The following GALNT18 variants were observed in gnomAD, a reference collection of about 807,000 sequenced individuals.
GALNT18 encodes GalNAc-transferase 18.
In GALNT18, 44 loss-of-function variants were observed where a neutral mutation model predicts 69.5. That is an observed-to-expected ratio of 0.63 (90% CI 0.50 to 0.81). The LOEUF (loss-of-function observed/expected upper bound fraction) is 0.81, where lower values mean the gene tolerates loss of function less well. Among genes scored for constraint, GALNT18 ranks in the 40% least tolerant of loss-of-function variants. The pLI, the probability that GALNT18 is intolerant of heterozygous loss-of-function variation, is 0.00. For synonymous variants in GALNT18, 364 were observed against 318.2 expected (o/e 1.14, Z -1.53); for missense variants, 715 against 810.0 (o/e 0.88, Z 1.42).
At chr11:11,303,940 C>T (rs141683812) in intron 9 of GALNT18, among the ~76,000 whole-genome samples, 2 of 152,238 alleles carry the variant, frequency 1.3e-5, no homozygotes, top group African/African-American at 2.4e-5. Flanking sequence ...GGAGGGGCTG[C>T]CTGGCTGACA....
rs567507112 is a variant in GALNT18, at chr11:11,546,853, G to A, written c.235+74506C>T. Reference sequence around the variant, plus strand: ...ATGGATGGGTGGGTTGGGTGTGTGGGTGGGCAGATGAGTAAGTGGGTGGGA... The same window carrying A: ...ATGGATGGGTGGGTTGGGTGTGTGGATGGGCAGATGAGTAAGTGGGTGGGA... On this transcript the variant is annotated intron_variant, in intron 1 of 10. Transcript: ENST00000227756. This position sits in a 1 kb window ranked among gnomAD's most constrained non-coding sequence, Gnocchi z 5.8. Among the ~76,000 whole-genome samples, 417 of 152,058 alleles carry A rather than the reference G, an allele frequency of 2.7e-3. 2 individuals carry two copies. Among genetic ancestry groups the A allele is most frequent in the African/African-American group, 9.6e-3 (396 of 41,448 alleles).
chr11:11,464,424 C>A (rs142308352), intron 1 of GALNT18, among the ~76,000 whole-genome samples: 4 of 152,248 alleles, frequency 2.6e-5, no homozygotes, highest in East Asian at 3.9e-4. Flanking sequence ...AGAGATGGCA[C>A]CCTGATGCAC....
At chr11:11,391,348 C>A (rs998665181) in intron 3 of GALNT18, among the ~76,000 whole-genome samples, 3 of 152,216 alleles carry the variant, frequency 2.0e-5, no homozygotes, top group African/African-American at 7.2e-5. Context: ...TACTAGTAAC[C>A]CATTTTATAG....
At position 11,582,840 on chromosome 11, in the gene GALNT18, C is replaced by T. The variant is rs114990981; in HGVS notation, c.235+38519G>A. 9.4e-3 allele frequency among the ~76,000 whole-genome samples: 1,437 copies of T among 152,252 alleles called. 21 individuals are homozygous for T. The highest frequency in any genetic ancestry group is 0.032 in the African/African-American group (1,335 of 41,530). ...ATTACTCTAGTTGTTGAGTGAAGAACGGACCCACATCAGCTGCACCTCTTT... is the reference window on the plus strand; with the variant it reads ...ATTACTCTAGTTGTTGAGTGAAGAATGGACCCACATCAGCTGCACCTCTTT... On this transcript the variant is annotated intron_variant, in intron 1 of 10. Transcript: ENST00000227756. The surrounding 1 kb of genome is among the most constrained non-coding windows in gnomAD (Gnocchi z 5.0).
rs1854485299 is a variant in GALNT18 at position 11,402,276 on chromosome 11, A to AT, written c.596-23013dup. ...AAACGATCCAGCCTGGTGGAATTAG[A>AT]TTTCTTTCCTCTTCATTTATGAAAT... On this transcript the variant is annotated intron_variant, in intron 3 of 10. Coordinates refer to ENST00000227756, the MANE Select transcript of GALNT18 (RefSeq NM_198516.3). This position sits in a 1 kb window ranked among gnomAD's most constrained non-coding sequence, Gnocchi z 4.0. 6.6e-6 allele frequency among the ~76,000 whole-genome samples: 1 copy of AT among 152,240 alleles called. No homozygotes were observed. Among genetic ancestry groups the AT allele is most frequent in the Admixed American group, 6.5e-5 (1 of 15,290 alleles).
chr11:11,591,195 AGCCTTTTTAAG>A lies in GALNT18; in HGVS notation c.235+30153_235+30163del, dbSNP rs1169989604. Among the ~76,000 whole-genome samples the A allele has an allele frequency of 2.1e-5, 3 of 143,870 alleles. No individual in the cohort carries two copies. Among genetic ancestry groups the A allele is most frequent in the East Asian group, 4.0e-4 (2 of 5,036 alleles). The allele number at this position is 143,870 out of a possible 152,430, so 94.4% of individuals were successfully genotyped here. A position where few individuals can be genotyped will look rare whatever the true frequency, so the allele number is the denominator to read the frequency against. On this transcript the variant is annotated intron_variant, in intron 1 of 10. Transcript: ENST00000227756. This position sits in a 1 kb window ranked among gnomAD's most constrained non-coding sequence, Gnocchi z 4.8. Reference sequence around the variant, plus strand: ...GTGTGTGTGTGTGTGTTAGTTTTTAAGCCTTTTTAAGGCCTTTTTAAGGCTTTGTAAGGCTT... The same window carrying A: ...GTGTGTGTGTGTGTGTTAGTTTTTAAGCCTTTTTAAGGCTTTGTAAGGCTT...
intron 1 of GALNT18, among the ~76,000 whole-genome samples, chr11:11,485,199 G>A (rs1252487114): frequency 7.2e-5 from 11 of 152,224 alleles, no homozygotes; most frequent in East Asian, 1.9e-4. Flanking sequence ...CACCACCTGC[G>A]TGTTCTCTAA....
At position 11,338,964 on chromosome 11, in the gene GALNT18, C is replaced by A. The variant is rs747617605; in HGVS notation, c.1278+1855G>T. On this transcript the variant is annotated intron_variant, in intron 7 of 10. Coordinates refer to ENST00000227756, the MANE Select transcript of GALNT18 (RefSeq NM_198516.3). This position sits in a 1 kb window ranked among gnomAD's most constrained non-coding sequence, Gnocchi z 5.3. ...AAGGTGAAATCCTATAGGTTAAAGA[C>A]CTTAAAATGTCCATTAAATTAAGCA... Among the ~76,000 whole-genome samples the A allele has an allele frequency of 3.3e-5, 5 of 152,028 alleles. No individual in the cohort carries two copies. The highest frequency in any genetic ancestry group is 6.6e-5 in the Admixed American group (1 of 15,252).
Position 11,546,109 on chromosome 11 carries a change from G to C in GALNT18, c.235+75250C>G, listed in dbSNP as rs191135646. Among the ~76,000 whole-genome samples, 85 of 152,244 alleles carry C rather than the reference G, an allele frequency of 5.6e-4. No homozygotes were observed. Among genetic ancestry groups the C allele is most frequent in the Non-Finnish European group, 9.3e-4 (63 of 68,020 alleles). The stretch of plus-strand genomic sequence containing the variant: ...TGCCACTATAATTCCTTTCCCAGGT[G>C]TCTGTGACACAATCTGAGCCCTGGT... On this transcript the variant is annotated intron_variant, in intron 1 of 10. Transcript: ENST00000227756. This position sits in a 1 kb window ranked among gnomAD's most constrained non-coding sequence, Gnocchi z 5.8.
In GALNT18 at chr11:11,459,023, C is replaced by T. The variant is rs899017846; in HGVS notation, c.236-10087G>A. Among the ~76,000 whole-genome samples, 4 of 152,266 alleles carry T rather than the reference C, an allele frequency of 2.6e-5. No homozygotes were observed. The highest frequency in any genetic ancestry group is 9.6e-5 in the African/African-American group (4 of 41,556). On this transcript the variant is annotated intron_variant, in intron 1 of 10. Coordinates refer to ENST00000227756, the MANE Select transcript of GALNT18 (RefSeq NM_198516.3). This position sits in a 1 kb window ranked among gnomAD's most constrained non-coding sequence, Gnocchi z 5.0. ...GAAGGGGGACTTCGGCACATCATAG[C>T]GGTACTCTTCTTATATCCAGCAAAG...
chr11:11,536,760 T>C (rs1036599961), intron 1 of GALNT18, among the ~76,000 whole-genome samples: 2 of 152,134 alleles, frequency 1.3e-5, no homozygotes, highest in African/African-American at 4.8e-5. Context: ...TTTAGCAAAA[T>C]GACGTTCAGC....
Position 11,621,812 on chromosome 11 carries a change from A to C in GALNT18, c.-219T>G. ...ACCCGGAGAGACCTTGACAAAGGAA[A>C]CCAGGTGGATTTTTTTCCAAATTAA... On this transcript the variant is annotated 5_prime_UTR_variant, in exon 1 of 11. Coordinates refer to ENST00000227756, the MANE Select transcript of GALNT18 (RefSeq NM_198516.3). This position sits in a 1 kb window ranked among gnomAD's most constrained non-coding sequence, Gnocchi z 9.3. 1 of 575,226 alleles carries C rather than the reference A, an allele frequency of 1.7e-6. No individual in the cohort carries two copies. 35.6% of individuals were successfully genotyped at this position (575,226 alleles called of 1,614,324 possible). A position where few individuals can be genotyped will look rare whatever the true frequency, so the allele number is the denominator to read the frequency against.
At chr11:11,433,712 C>A in intron 2 of GALNT18, among the ~76,000 whole-genome samples, 1 of 152,222 alleles carries the variant, frequency 6.6e-6, no homozygotes, top group Non-Finnish European at 1.5e-5. Flanking sequence ...GAGGGTAGTT[C>A]CCTCCTCTGC....
chr11:11,574,425 T>A (rs955116961), intron 1 of GALNT18, among the ~76,000 whole-genome samples: 2 of 152,210 alleles, frequency 1.3e-5, no homozygotes, highest in Non-Finnish European at 2.9e-5. Flanking sequence ...AAAGGTCTGA[T>A]TTTGATATCA....
At chr11:11,394,107 G>C (rs762307854) in intron 3 of GALNT18, among the ~76,000 whole-genome samples, 6 of 152,190 alleles carry the variant, frequency 3.9e-5, no homozygotes, top group Non-Finnish European at 5.9e-5. Flanking sequence ...TGTTCTAAAA[G>C]TGGTTGTCAC....
At chr11:11,272,214 T>C (rs1354612735) in intron 10 of GALNT18, among the ~76,000 whole-genome samples, 1 of 152,218 alleles carries the variant, frequency 6.6e-6, no homozygotes, top group African/African-American at 2.4e-5. Flanking sequence ...GTGAGAAACA[T>C]GGACATTTTC....
In GALNT18 at chr11:11,519,743, G is replaced by A. The variant is rs546875289; in HGVS notation, c.236-70807C>T. ...CAGCCCCATCTCGCCCTGACTGCAG[G>A]AGCAACCAGGGGAAGGAGGGACTGG... On this transcript the variant is annotated intron_variant, in intron 1 of 10. Transcript: ENST00000227756. Among the ~76,000 whole-genome samples the A allele has an allele frequency of 8.5e-5, 13 of 152,276 alleles. No individual in the cohort carries two copies. In the South Asian group the frequency reaches 1.2e-3, roughly 15 times the overall value.
At chr11:11,502,882 C>T (rs1857001870) in intron 1 of GALNT18, among the ~76,000 whole-genome samples, 1 of 152,162 alleles carries the variant, frequency 6.6e-6, no homozygotes, top group South Asian at 2.1e-4. Flanking sequence ...CACTTTCCAG[C>T]CCAAGACACA....
At position 11,541,281 on chromosome 11, in the gene GALNT18, C is replaced by T. The variant is rs1214358619; in HGVS notation, c.235+80078G>A. On this transcript the variant is annotated intron_variant, in intron 1 of 10. Coordinates refer to ENST00000227756, the MANE Select transcript of GALNT18 (RefSeq NM_198516.3). The surrounding 1 kb of genome is among the most constrained non-coding windows in gnomAD (Gnocchi z 4.8). ...CACTTTAGACCCAAAATCATCCAAA[C>T]TCCTCCACCTCTCTCCCCTCCCATA... Among the ~76,000 whole-genome samples the T allele has an allele frequency of 6.6e-6, 1 of 152,132 alleles. No individual in the cohort carries two copies. The highest frequency in any genetic ancestry group is 2.4e-5 in the African/African-American group (1 of 41,426).
Sources: allele counts gnomAD v4.1 joint callset (sites outside exome capture counted in the v4.1 genomes callset), GRCh38; gene constraint gnomAD v4.1.1; non-coding constraint Gnocchi (gnomAD v3.1); transcripts MANE v1.5; gene names NCBI Gene and HGNC (gene_info 2026-07-23, HGNC 2026-07-21).